The following CRISPLD2 variants were observed in gnomAD, a reference collection of about 807,000 sequenced individuals.
CRISPLD2 encodes cysteine-rich secretory protein LCCL domain-containing 2.
Under a neutral mutation model 71.1 loss-of-function variants are expected in CRISPLD2, and 47 were observed. That is an observed-to-expected ratio of 0.66 (90% CI 0.52 to 0.84). CRISPLD2 has a LOEUF of 0.84. Ranked by LOEUF, CRISPLD2 falls within the 40% of genes least tolerant of loss-of-function variation. The pLI, the probability that CRISPLD2 is intolerant of heterozygous loss-of-function variation, is 0.00. For missense variants in CRISPLD2, 830 were observed against 651.1 expected (o/e 1.27, Z -2.99); for synonymous variants, 317 against 250.1 (o/e 1.27, Z -2.52).
Position 84,873,913 on chromosome 16 carries a change from T to TTAA in CRISPLD2, c.1113-7_1113-6insTAA. ...TGCCCGTTTTTTTTTTTTTTTTTTT[T>TTAA]AAACAGCAAATACAAACCTTCCAGC... On this transcript the variant is annotated splice_region_variant and splice_polypyrimidine_tract_variant and intron_variant, in intron 10 of 14. Coordinates refer to ENST00000262424, the MANE Select transcript of CRISPLD2 (RefSeq NM_031476.4). 1 of 1,444,746 alleles carries TTAA rather than the reference T, an allele frequency of 6.9e-7. No individual in the cohort carries two copies. The highest frequency in any genetic ancestry group is 9.2e-7 in the Non-Finnish European group (1 of 1,083,382). The allele number at this position is 1,444,746 out of a possible 1,614,324, so 89.5% of individuals were successfully genotyped here.
At chr16:84,852,864 C>G (rs1258996356) in intron 5 of CRISPLD2, among the ~76,000 whole-genome samples, 1 of 152,100 alleles carries the variant, frequency 6.6e-6, no homozygotes. Context: ...TCCAGGAGTT[C>G]AAGACCAGCC....
At chr16:84,846,396 G>T (rs970608713) in intron 3 of CRISPLD2, among the ~76,000 whole-genome samples, 1 of 152,160 alleles carries the variant, frequency 6.6e-6, no homozygotes, top group Non-Finnish European at 1.5e-5. Flanking sequence ...GGGACTATAG[G>T]CATGTGCCAC....
chr16:84,879,128 C>A (rs8052237), intron 12 of CRISPLD2, among the ~76,000 whole-genome samples: 3,086 of 152,304 alleles, frequency 0.02, 101 homozygotes, highest in African/African-American at 0.071. Context: ...CAGGCTTTCT[C>A]TGGGCCTCCA....
chr16:84,901,558 A>C (rs1255802978), intron 14 of CRISPLD2, among the ~76,000 whole-genome samples: 2 of 134,130 alleles, frequency 1.5e-5, no homozygotes, highest in African/African-American at 5.7e-5. Context: ...TGCAACCTCC[A>C]CCTCCTGGAT....
intron 14 of CRISPLD2, among the ~76,000 whole-genome samples, chr16:84,893,280 C>T (rs1207535286): frequency 1.3e-5 from 2 of 152,170 alleles, no homozygotes; most frequent in Non-Finnish European, 2.9e-5. Context: ...GCTAGCGGCT[C>T]ACAGTAAGCA....
Position 84,850,609 on chromosome 16 carries a change from C to A in CRISPLD2, c.534C>A (p.Asn178Lys). 1 of 1,614,190 alleles carries A rather than the reference C, an allele frequency of 6.2e-7. No homozygotes were observed. ...ATTNKIGCAV[N>K]TCRKMTVWGE... is the part of the protein sequence containing the mutation. ...CCAACAAGATCGGTTGTGCTGTGAA[C>A]ACCTGCCGGAAGATGACTGTCTGGG... Residue 178 changes from asparagine to lysine, a missense_variant, in exon 5 of 15, where the codon AAC becomes AAA. Transcript: ENST00000262424.
intron 6 of CRISPLD2, among the ~76,000 whole-genome samples, chr16:84,864,348 C>T (rs1917478228): frequency 6.6e-6 from 1 of 152,148 alleles, no homozygotes; most frequent in Admixed American, 6.5e-5. Context: ...AATAGAGAGT[C>T]CTCAAATGCT....
At chr16:84,884,239 C>T (rs1276606645) in intron 13 of CRISPLD2, among the ~76,000 whole-genome samples, 1 of 152,216 alleles carries the variant, frequency 6.6e-6, no homozygotes, top group African/African-American at 2.4e-5. Context: ...GCAGTCCCGC[C>T]TCTGATCTTT....
Position 84,874,553 on chromosome 16 carries a change from C to G in CRISPLD2, c.1156+590C>G, listed in dbSNP as rs141126150. On this transcript the variant is annotated intron_variant, in intron 11 of 14. Transcript: ENST00000262424. Reference sequence around the variant, plus strand: ...ACACTGTGCCCTTGACTAGAATAATCTCAGGCAAGCAAGGATGTAGGAGCC... The same window carrying G: ...ACACTGTGCCCTTGACTAGAATAATGTCAGGCAAGCAAGGATGTAGGAGCC... Among the ~76,000 whole-genome samples the G allele has an allele frequency of 2.9e-4, 44 of 152,354 alleles. No individual in the cohort carries two copies. The East Asian group carries it at 7.1e-3, about 25-fold the overall frequency.
intron 14 of CRISPLD2, among the ~76,000 whole-genome samples, chr16:84,896,351 G>T (rs1183939541): frequency 2.0e-5 from 3 of 151,876 alleles, no homozygotes; most frequent in African/African-American, 7.3e-5. Flanking sequence ...GCCCAGCCAG[G>T]ATTGGAATCC....
intron 1 of CRISPLD2, among the ~76,000 whole-genome samples, chr16:84,835,111 G>A (rs562761585): frequency 7.2e-5 from 11 of 152,018 alleles, no homozygotes; most frequent in Non-Finnish European, 1.0e-4. Flanking sequence ...TTTTTTTGAG[G>A]TGAAGTTTTG....
intron 3 of CRISPLD2, among the ~76,000 whole-genome samples, chr16:84,847,665 AT>A (rs1178207913): frequency 6.6e-6 from 1 of 151,706 alleles, no homozygotes; most frequent in Non-Finnish European, 1.5e-5. Flanking sequence ...AAAAAAAAAA[AT>A]CTTACAATAA....
chr16:84,866,763 C>G (rs1219300600), intron 6 of CRISPLD2, 134 bp from the exon 7 acceptor site: 39 of 841,286 alleles, frequency 4.6e-5, no homozygotes, highest in Admixed American at 1.7e-4. Context: ...GTAACTTTCT[C>G]TTTGCCGCTG....
At chr16:84,845,458 C>T (rs1567684492) in intron 2 of CRISPLD2, among the ~76,000 whole-genome samples, 1 of 152,242 alleles carries the variant, frequency 6.6e-6, no homozygotes, top group Non-Finnish European at 1.5e-5. Context: ...TGCTGACCTT[C>T]CCTTGTCTTC....
At chr16:84,821,113 G>A (rs1466976437) in intron 1 of CRISPLD2, among the ~76,000 whole-genome samples, 2 of 152,230 alleles carry the variant, frequency 1.3e-5, no homozygotes, top group African/African-American at 4.8e-5. Flanking sequence ...AACCGAGAGT[G>A]GGGTTGTGAG....
intron 14 of CRISPLD2, among the ~76,000 whole-genome samples, chr16:84,900,999 A>C (rs1278906635): frequency 1.4e-5 from 2 of 147,234 alleles, no homozygotes; most frequent in African/African-American, 5.1e-5. Flanking sequence ...GCAGTGAATC[A>C]TGATGGTGTC....
intron 6 of CRISPLD2, among the ~76,000 whole-genome samples, chr16:84,855,984 G>A (rs118063295): frequency 0.021 from 3,131 of 152,314 alleles, 46 homozygotes; most frequent in South Asian, 0.045. Context: ...TTTAACAAAA[G>A]AAGGAGGAAA....
chr16:84,864,154 G>A (rs1257290668), intron 6 of CRISPLD2, among the ~76,000 whole-genome samples: 1 of 152,062 alleles, frequency 6.6e-6, no homozygotes, highest in East Asian at 1.9e-4. Context: ...CCCTGGCCCG[G>A]AGCAGAATGG....
At chr16:84,834,127 C>A (rs950245846) in intron 1 of CRISPLD2, among the ~76,000 whole-genome samples, 6 of 152,166 alleles carry the variant, frequency 3.9e-5, no homozygotes, top group African/African-American at 1.2e-4. Flanking sequence ...GGACTTCAGC[C>A]TCCTCATCTG....
Sources: allele counts gnomAD v4.1 joint callset (sites outside exome capture counted in the v4.1 genomes callset), GRCh38; gene constraint gnomAD v4.1.1; transcripts MANE v1.5; gene names NCBI Gene and HGNC (gene_info 2026-07-23, HGNC 2026-07-21).